The following RBM19 variants were observed in gnomAD, a reference collection of about 807,000 sequenced individuals.
RBM19 encodes probable RNA-binding protein 19.
Under a neutral mutation model 116.8 loss-of-function variants are expected in RBM19, and 94 were observed. The observed-to-expected ratio is 0.80, with a 90% confidence interval of 0.68 to 0.95. The LOEUF (loss-of-function observed/expected upper bound fraction) is 0.95, where lower values mean the gene tolerates loss of function less well. Ranked by LOEUF, RBM19 falls within the 40% of genes least tolerant of loss-of-function variation. The probability of loss-of-function intolerance (pLI) is 0.00; values close to 1 mark genes in which losing one functional copy is unlikely to be tolerated. For synonymous variants in RBM19, 475 were observed against 494.1 expected (o/e 0.96, Z 0.51); for missense variants, 1,161 against 1,220.7 (o/e 0.95, Z 0.73).
chr12:113,904,506 C>T (rs556217224), intron 21 of RBM19, among the ~76,000 whole-genome samples: 47 of 152,242 alleles, frequency 3.1e-4, no homozygotes, highest in African/African-American at 1.1e-3. Context: ...AGCACAAAAG[C>T]ACTTCAGGCC....
intron 23 of RBM19, 86 bp downstream of exon 23, chr12:113,844,582 G>T: frequency 1.3e-6 from 2 of 1,498,860 alleles, no homozygotes; most frequent in African/African-American, 2.8e-5. Flanking sequence ...CTGCTGGGTC[G>T]AGGGCAGTTC....
intron 21 of RBM19, among the ~76,000 whole-genome samples, chr12:113,897,580 G>A (rs1354246665): frequency 6.6e-6 from 1 of 152,272 alleles, no homozygotes; most frequent in African/African-American, 2.4e-5. Flanking sequence ...GGGAGGCTGA[G>A]GTGGGAGGAT....
chr12:113,908,949 G>A (rs1404378746), intron 21 of RBM19, among the ~76,000 whole-genome samples: 31 of 152,202 alleles, frequency 2.0e-4, no homozygotes, highest in Admixed American at 6.5e-5. Flanking sequence ...GCTTATATTC[G>A]GGGGTTGGGG....
rs144104796 is a variant in RBM19, at chr12:113,966,195, A to C, written c.33T>G (p.Asn11Lys). 188 of 1,614,128 alleles carry C rather than the reference A, an allele frequency of 1.2e-4. 1 individual carries two copies. Among genetic ancestry groups the C allele is most frequent in the Non-Finnish European group, 1.5e-4 (175 of 1,180,022 alleles). ...CAAGTCCTGCCTCTGCACTCACCCC[A>C]TTCGGGAGATTCTTCACGATCAGTC... MSRLIVKNLPNGMKEERFRQL... is the reference protein window; with the variant it reads MSRLIVKNLPKGMKEERFRQL... The change falls in exon 1 of 24, where the codon AAT becomes AAG. Residue 11 changes from asparagine (N) to lysine (K), a missense_variant. By Grantham distance (94) the Asn-to-Lys change is moderately conservative. Transcript: ENST00000261741.
chr12:113,830,571 G>A (rs1354068688), intron 23 of RBM19, among the ~76,000 whole-genome samples: 5 of 21,812 alleles, frequency 2.3e-4, no homozygotes, highest in African/African-American at 6.1e-4. Flanking sequence ...CTAGGGCTGC[G>A]GGGCGGGGGG....
intron 21 of RBM19, among the ~76,000 whole-genome samples, chr12:113,912,141 AAGG>A (rs1348924958): frequency 3.3e-5 from 5 of 152,114 alleles, no homozygotes; most frequent in Non-Finnish European, 7.4e-5. Context: ...GGCCTCCGGG[AAGG>A]GCCCCAGGCA....
At chr12:113,852,235 C>T (rs1392449420) in intron 22 of RBM19, among the ~76,000 whole-genome samples, 6 of 152,018 alleles carry the variant, frequency 3.9e-5, no homozygotes, top group Admixed American at 3.9e-4. Flanking sequence ...CACAGAAGCT[C>T]CAGGGACACA....
At chr12:113,874,609 C>CAG (rs1565990336) in intron 21 of RBM19, among the ~76,000 whole-genome samples, 1 of 152,240 alleles carries the variant, frequency 6.6e-6, no homozygotes, top group Non-Finnish European at 1.5e-5. Context: ...CCAGCTTCAG[C>CAG]CCTTGAACTC....
At chr12:113,939,879 C>T (rs1018354214) in intron 15 of RBM19, 81 bp downstream of exon 15, 3 of 1,458,016 alleles carry the variant, frequency 2.1e-6, no homozygotes, top group African/African-American at 2.8e-5. Flanking sequence ...TCTGTGAATC[C>T]ATAGCCCACT....
At chr12:113,900,028 C>A (rs1031098541) in intron 21 of RBM19, among the ~76,000 whole-genome samples, 1 of 152,104 alleles carries the variant, frequency 6.6e-6, no homozygotes, top group Non-Finnish European at 1.5e-5. Flanking sequence ...ACCCTTCCCC[C>A]GGTACAGGCA....
intron 22 of RBM19, among the ~76,000 whole-genome samples, chr12:113,851,733 A>AG (rs1877462080): frequency 9.0e-6 from 1 of 110,620 alleles, no homozygotes; most frequent in Admixed American, 1.1e-4. Flanking sequence ...TTTGTGGTAA[A>AG]GTTTTTTTTT....
chr12:113,865,581 T>C (rs1878736991), intron 21 of RBM19, among the ~76,000 whole-genome samples: 1 of 152,240 alleles, frequency 6.6e-6, no homozygotes, highest in African/African-American at 2.4e-5. Context: ...GAATTCATCA[T>C]CTATTGACAT....
chr12:113,946,424 C>A lies in RBM19; in HGVS notation c.1459G>T (p.Asp487Tyr). ...GACGACGATCCCAGGGCACTGGCAT[C>A]CTCGCTGGCTTCCTTCTTGATGGTA... Reference protein sequence around the residue: ...PSTIKKEASEDASALGSSSYK... With the variant: ...PSTIKKEASEYASALGSSSYK... Residue 487 changes from aspartate (D) to tyrosine (Y), a missense_variant, in exon 12 of 24, where the codon GAT (aspartate) becomes TAT (tyrosine). Coordinates refer to ENST00000261741, the MANE Select transcript of RBM19 (RefSeq NM_016196.4). 6.2e-7 allele frequency: 1 copy of A among 1,614,162 alleles called. No individual in the cohort carries two copies. Among genetic ancestry groups the A allele is most frequent in the Non-Finnish European group, 8.5e-7 (1 of 1,180,026 alleles).
At chr12:113,922,803 ATCTGAGACAAGC>A (rs1868709594) in intron 18 of RBM19, among the ~76,000 whole-genome samples, 1 of 152,124 alleles carries the variant, frequency 6.6e-6, no homozygotes, top group Non-Finnish European at 1.5e-5. Flanking sequence ...ATGTGACCTT[ATCTGAGACAAGC>A]TCTTTACAGA....
chr12:113,926,805 G>C (rs1869112272), intron 17 of RBM19, among the ~76,000 whole-genome samples: 1 of 152,116 alleles, frequency 6.6e-6, no homozygotes, highest in Non-Finnish European at 1.5e-5. Context: ...AAAGATTCCG[G>C]TATGCCTCCA....
intron 21 of RBM19, among the ~76,000 whole-genome samples, chr12:113,908,436 T>C (rs1880984): frequency 0.67 from 101,966 of 151,732 alleles, 35,040 homozygotes; most frequent in East Asian, 0.98. Context: ...TGGACAGACG[T>C]TGCCCACAAA....
At chr12:113,884,125 A>C (rs984962336) in intron 21 of RBM19, among the ~76,000 whole-genome samples, 3 of 151,328 alleles carry the variant, frequency 2.0e-5, no homozygotes, top group South Asian at 2.1e-4. Flanking sequence ...AAAAAAAAAA[A>C]AACAAAAAAC....
rs150813290 is a variant in RBM19, at chr12:113,865,881, G to C, written c.2559-6985C>G. Among the ~76,000 whole-genome samples, 308 of 152,122 alleles carry C rather than the reference G, an allele frequency of 2.0e-3. 1 individual carries two copies. The highest frequency in any genetic ancestry group is 7.0e-3 in the African/African-American group (289 of 41,534). ...CTAGATCATTTACCAAGGGAATACT[G>C]TCTGGATAATGATGTTCAAATCATG... On this transcript the variant is annotated intron_variant, in intron 21 of 23. Coordinates refer to ENST00000261741, the MANE Select transcript of RBM19 (RefSeq NM_016196.4).
chr12:113,859,174 G>A (rs537869409), intron 21 of RBM19, among the ~76,000 whole-genome samples: 11 of 152,320 alleles, frequency 7.2e-5, no homozygotes, highest in Non-Finnish European at 1.5e-4. Flanking sequence ...CTGCCCCCAT[G>A]GGGCCCCACT....
Sources: gnomAD v4.1 joint callset for allele counts (sites outside exome capture counted in the v4.1 genomes callset) on GRCh38, gnomAD v4.1.1 for gene constraint, MANE v1.5 for transcripts, NCBI Gene and HGNC (gene_info 2026-07-23, HGNC 2026-07-21) for gene names.